The following MYRIP variants were observed in gnomAD, a reference collection of about 807,000 sequenced individuals.
MYRIP encodes rab effector MyRIP.
In MYRIP, 49 loss-of-function variants were observed where a neutral mutation model predicts 98.0. The observed-to-expected ratio is 0.50, with a 90% CI of 0.40 to 0.63. The LOEUF (loss-of-function observed/expected upper bound fraction) is 0.63, where lower values mean the gene tolerates loss of function less well. MYRIP is among the 30% of genes least tolerant of loss of function. MYRIP has a pLI of 0.00. For synonymous variants in MYRIP, 404 were observed against 409.5 expected (o/e 0.99, Z 0.16); for missense variants, 1,004 against 1,058.2 (o/e 0.95, Z 0.71).
At chr3:39,866,235 G>A (rs4676457) in intron 1 of MYRIP, among the ~76,000 whole-genome samples, 96,609 of 151,854 alleles carry the variant, frequency 0.64, 31,808 homozygotes, top group African/African-American at 0.82. Context: ...ATCAAGTACT[G>A]TGCTGATTAC....
chr3:40,205,304 T>C (rs1016185879), intron 10 of MYRIP, among the ~76,000 whole-genome samples: 3 of 152,164 alleles, frequency 2.0e-5, no homozygotes, highest in Admixed American at 6.5e-5. Flanking sequence ...TTTGAGCCTT[T>C]TGTTACCCTA....
At chr3:40,161,810 G>A (rs1280893032) in intron 4 of MYRIP, among the ~76,000 whole-genome samples, 1 of 151,890 alleles carries the variant, frequency 6.6e-6, no homozygotes, top group Non-Finnish European at 1.5e-5. Context: ...TATTCTCTAC[G>A]CAGTAGCCAC....
At chr3:40,154,188 C>T (rs1363268404) in intron 4 of MYRIP, among the ~76,000 whole-genome samples, 2 of 151,996 alleles carry the variant, frequency 1.3e-5, no homozygotes, top group Admixed American at 6.6e-5. Flanking sequence ...CACAGTCTCA[C>T]GTATCACCCA....
intron 2 of MYRIP, among the ~76,000 whole-genome samples, chr3:40,028,209 C>T (rs769382100): frequency 6.6e-6 from 1 of 152,118 alleles, no homozygotes; most frequent in Non-Finnish European, 1.5e-5. Flanking sequence ...GACCAAGAGA[C>T]CATGAAATGT....
intron 1 of MYRIP, among the ~76,000 whole-genome samples, chr3:39,839,791 G>C (rs957824860): frequency 2.0e-5 from 3 of 152,280 alleles, no homozygotes; most frequent in Middle Eastern, 3.4e-3. Flanking sequence ...TATTTTGAGT[G>C]AGTTTCTTAA....
At chr3:40,240,217 T>A (rs1018774588) in intron 12 of MYRIP, among the ~76,000 whole-genome samples, 5 of 152,050 alleles carry the variant, frequency 3.3e-5, no homozygotes, top group African/African-American at 1.2e-4. Flanking sequence ...CAGATAGTTG[T>A]AGATATGCGG....
rs556520110 is a variant in MYRIP at position 39,873,882 on chromosome 3, A to T, written c.-30-26905A>T. Among the ~76,000 whole-genome samples, 3 of 152,236 alleles carry T rather than the reference A, an allele frequency of 2.0e-5. No homozygotes were observed. The South Asian group carries it at 6.2e-4, about 32-fold the overall frequency. On this transcript the variant is annotated intron_variant, in intron 1 of 16. Coordinates refer to ENST00000302541, the MANE Select transcript of MYRIP (RefSeq NM_015460.4). ...TTTTTCTAATTCTGTGAAGAAAGGC[A>T]TTGGTAGCTTGATGGGAATGGCATT...
At chr3:40,087,016 G>A (rs770661296) in intron 3 of MYRIP, among the ~76,000 whole-genome samples, 2 of 152,060 alleles carry the variant, frequency 1.3e-5, no homozygotes, top group Non-Finnish European at 2.9e-5. Context: ...ATGCCAGAAG[G>A]CATTATCAGT....
intron 1 of MYRIP, among the ~76,000 whole-genome samples, chr3:39,880,660 A>G (rs960588009): frequency 5.9e-5 from 9 of 152,210 alleles, no homozygotes; most frequent in African/African-American, 2.2e-4. Context: ...TCTGCAAATA[A>G]TAATTCTTTC....
At chr3:39,995,082 T>C (rs1440382521) in intron 2 of MYRIP, among the ~76,000 whole-genome samples, 1 of 151,692 alleles carries the variant, frequency 6.6e-6, no homozygotes, top group Non-Finnish European at 1.5e-5. Flanking sequence ...ACCACAAAGA[T>C]GGGGGAAAAA....
chr3:40,093,238 C>T (rs1402236317), intron 3 of MYRIP, among the ~76,000 whole-genome samples: 1 of 152,222 alleles, frequency 6.6e-6, no homozygotes, highest in Non-Finnish European at 1.5e-5. Context: ...ACCTTATGTA[C>T]AGTCCAGTGA....
At chr3:40,180,605 G>A (rs781051047) in intron 8 of MYRIP, among the ~76,000 whole-genome samples, 16 of 152,220 alleles carry the variant, frequency 1.1e-4, no homozygotes, top group Non-Finnish European at 2.1e-4. Context: ...AACTGATAAG[G>A]CAAGGAGAGC....
At chr3:40,223,397 C>T (rs1480115559) in intron 11 of MYRIP, among the ~76,000 whole-genome samples, 1 of 152,078 alleles carries the variant, frequency 6.6e-6, no homozygotes, top group Admixed American at 6.5e-5. Flanking sequence ...ACAGAATAGT[C>T]CAGAAGAACA....
chr3:39,931,931 G>A (rs771651192), intron 2 of MYRIP, among the ~76,000 whole-genome samples: 18 of 152,044 alleles, frequency 1.2e-4, no homozygotes, highest in South Asian at 4.2e-4. Context: ...GAGGATTTTT[G>A]CATCTATATT....
intron 1 of MYRIP, among the ~76,000 whole-genome samples, chr3:39,841,417 G>A (rs1365025341): frequency 2.6e-5 from 4 of 152,050 alleles, no homozygotes; most frequent in Non-Finnish European, 5.9e-5. Flanking sequence ...TTAGCTCGGA[G>A]GAGTTTGTTA....
chr3:39,901,026 A>G (rs930702305), intron 2 of MYRIP, 100 bp downstream of exon 2: 30 of 792,056 alleles, frequency 3.8e-5, no homozygotes, highest in Middle Eastern at 2.4e-4. Context: ...CTGAGTTTGG[A>G]TATACACTTA....
chr3:39,914,432 C>A (rs1387368199), intron 2 of MYRIP, among the ~76,000 whole-genome samples: 1 of 151,994 alleles, frequency 6.6e-6, no homozygotes, highest in Non-Finnish European at 1.5e-5. Context: ...AATGTCTGGT[C>A]ATTATTAAAA....
intron 3 of MYRIP, among the ~76,000 whole-genome samples, chr3:40,125,352 G>C (rs1282015007): frequency 1.3e-5 from 2 of 152,218 alleles, no homozygotes; most frequent in African/African-American, 4.8e-5. Context: ...CTTGGAGTCT[G>C]ATGTTCAAGG....
intron 2 of MYRIP, among the ~76,000 whole-genome samples, chr3:40,004,403 C>A (rs1447796180): frequency 6.6e-6 from 1 of 152,184 alleles, no homozygotes; most frequent in African/African-American, 2.4e-5. Context: ...TGAGCCCGGG[C>A]CATACCATGT....
Sources: gnomAD v4.1 joint callset for allele counts (sites outside exome capture counted in the v4.1 genomes callset) on GRCh38, gnomAD v4.1.1 for gene constraint, MANE v1.5 for transcripts, NCBI Gene and HGNC (gene_info 2026-07-23, HGNC 2026-07-21) for gene names.